The following MED12 variants were observed in gnomAD, a reference collection of about 807,000 sequenced individuals.
MED12 encodes mediator of RNA polymerase II transcription subunit 12.
MED12 carries 10 observed loss-of-function variants against 177.7 expected under a neutral mutation model. The ratio of observed to expected loss-of-function variants is 0.06; its 90% confidence interval spans 0.03 to 0.10. MED12 has a LOEUF of 0.10. Among genes scored for constraint, MED12 ranks in the 10% least tolerant of loss-of-function variants. MED12 has a pLI of 1.00. For synonymous variants in MED12, 641 were observed against 678.4 expected (o/e 0.94, Z 0.86); for missense variants, 867 against 1,780.8 (o/e 0.49, Z 9.23).
At chrX:71,141,856 A>C (rs2092349212) in intron 43 of MED12, 27 bp from the exon 44 acceptor site, 5 of 1,191,380 alleles carry the variant, frequency 4.2e-6, no homozygotes, top group African/African-American at 1.8e-5. Context: ...GTTCGACTTC[A>C]GTCTTCCACT....
rs1602298322 is a variant in MED12, at chrX:71,126,469, C to T, written c.2670C>T (p.Ile890=). 1 of 1,211,937 alleles carries T rather than the reference C, an allele frequency of 8.3e-7. No individual in the cohort carries two copies. The highest frequency in any genetic ancestry group is 1.1e-6 in the Non-Finnish European group (1 of 895,517). ...MEYSLSISGL[I]DFAIQLLNEL... Reference sequence around the variant, plus strand: ...ATTCACTCAGCATCAGTGGCCTCATCGACTTTGCCATTCAGGTGGGGAAGT... The same window carrying T: ...ATTCACTCAGCATCAGTGGCCTCATTGACTTTGCCATTCAGGTGGGGAAGT... Residue 890 remains isoleucine, a synonymous_variant, in exon 19 of 45, where the codon ATC becomes ATT. Coordinates refer to ENST00000374080, the MANE Select transcript of MED12 (RefSeq NM_005120.3).
At chrX:71,128,936 G>GT (rs1191405389) in intron 24 of MED12, 178 bp from the exon 25 acceptor site, 14 of 556,326 alleles carry the variant, frequency 2.5e-5, no homozygotes, top group Middle Eastern at 4.9e-4. Context: ...CTTCAACTGC[G>GT]TAACAGTTCT....
At chrX:71,130,270 A>T in intron 28 of MED12, 56 bp downstream of exon 28, 1 of 1,098,128 alleles carries the variant, frequency 9.1e-7, no homozygotes, top group Admixed American at 2.5e-5. Context: ...CTGGGGAGAA[A>T]CAATAGGAAC....
Position 71,137,919 on chromosome X carries a change from G to A in MED12, c.6020G>A (p.Gly2007Glu), listed in dbSNP as rs2147831227. 1 of 1,209,649 alleles carries A rather than the reference G, an allele frequency of 8.3e-7. No individual in the cohort carries two copies. Among genetic ancestry groups the A allele is most frequent in the Admixed American group, 2.2e-5 (1 of 45,707 alleles). The part of the protein sequence containing the change: ...GYVHQQAPTY[G>E]HGLTSTQRFS... The stretch of plus-strand genomic sequence containing the variant: ...GTGCACCAGCAGGCCCCCACCTATG[G>A]ACATGGACTGACCTCCACTCAAAGG... The change falls in exon 41 of 45, where the codon GGA becomes GAA. Residue 2007 changes from glycine to glutamate, a missense_variant. Gly to Glu is a moderately conservative substitution (Grantham distance 98). Coordinates refer to ENST00000374080, the MANE Select transcript of MED12 (RefSeq NM_005120.3).
At chrX:71,131,321 G>A (rs1293504538) in intron 28 of MED12, among the ~76,000 whole-genome samples, 3 of 110,346 alleles carry the variant, frequency 2.7e-5, no homozygotes, top group Non-Finnish European at 5.7e-5. Flanking sequence ...GTAGAGATGG[G>A]GTTTTGCCAT....
Position 71,129,159 on chromosome X carries a change from G to A in MED12, c.3521G>A (p.Arg1174His), listed in dbSNP as rs1405190651. The change falls in exon 25 of 45, where the codon CGC becomes CAC. Residue 1174 changes from arginine (R) to histidine (H), a missense_variant. Around this residue, in one of 14 missense-constraint regions of MED12, gnomAD observed 21 missense variants for 35.5 expected, o/e 0.59. Transcript: ENST00000374080. Reference protein sequence around the residue: ...DSEPGARLTCRILLHLFKTPQ... With the variant: ...DSEPGARLTCHILLHLFKTPQ... ...GAGCCAGGGGCCCGGCTTACCTGCC[G>A]CATCCTCCTTCACCTTTTCAAGACA... 8.3e-7 allele frequency: 1 copy of A among 1,210,816 alleles called. No individual in the cohort carries two copies. Among genetic ancestry groups the A allele is most frequent in the South Asian group, 1.8e-5 (1 of 56,958 alleles).
At chrX:71,128,497 T>G in intron 23 of MED12, 57 bp downstream of exon 23, 1 of 1,208,660 alleles carries the variant, frequency 8.3e-7, no homozygotes. Context: ...GGGGGCTGGT[T>G]GTGATCCTCT....
chrX:71,127,031 C>A lies in MED12; in HGVS notation c.2748C>A (p.Gly916=), dbSNP rs768686458. Residue 916 remains glycine, a synonymous_variant, in exon 20 of 45, where the codon GGC becomes GGA. Transcript: ENST00000374080. ...TTCTCAAATCCTCGGATCTGGTGGGCAGCTACACTACTAGCCTGTGCCTGT... is the reference window on the plus strand; with the variant it reads ...TTCTCAAATCCTCGGATCTGGTGGGAAGCTACACTACTAGCCTGTGCCTGT... ...ELLLKSSDLV[G]SYTTSLCLCI... 8.5e-5 allele frequency: 103 copies of A among 1,209,624 alleles called. No homozygotes were observed. The highest frequency in any genetic ancestry group is 1.1e-4 in the Non-Finnish European group (101 of 894,285).
Position 71,141,228 on chromosome X carries a change from A to T in MED12, c.6268-2A>T. 8.6e-7 allele frequency: 1 copy of T among 1,165,528 alleles called. No individual in the cohort carries two copies. Among genetic ancestry groups the T allele is most frequent in the Non-Finnish European group, 1.1e-6 (1 of 871,802 alleles). On this transcript the variant is annotated splice_acceptor_variant, in intron 42 of 44. Coordinates refer to ENST00000374080, the MANE Select transcript of MED12 (RefSeq NM_005120.3). LOFTEE classifies it high-confidence loss of function. ...TCTGAAGTATCTTTTGTGTTCTTATAGCAGCAGCAGCAACAGCAACAGCAG... is the reference window on the plus strand; with the variant it reads ...TCTGAAGTATCTTTTGTGTTCTTATTGCAGCAGCAGCAACAGCAACAGCAG...
In MED12 at chrX:71,121,835, C is replaced by T. The variant is rs749399594; in HGVS notation, c.1101+19C>T. Reference sequence around the variant, plus strand: ...CCTACAGGTAGGTACTAGGCGGGCCCAAGGAAGCATTGAGAGATAGCCTGA... The same window carrying T: ...CCTACAGGTAGGTACTAGGCGGGCCTAAGGAAGCATTGAGAGATAGCCTGA... On this transcript the variant is annotated intron_variant, in intron 7 of 44. Coordinates refer to ENST00000374080, the MANE Select transcript of MED12 (RefSeq NM_005120.3). 2 of 1,210,197 alleles carry T rather than the reference C, an allele frequency of 1.7e-6. No individual in the cohort carries two copies. Among genetic ancestry groups the T allele is most frequent in the Non-Finnish European group, 2.2e-6 (2 of 895,215 alleles).
chrX:71,133,366 C>G (rs1224478630), intron 33 of MED12, among the ~76,000 whole-genome samples, 154 bp downstream of exon 33: 3 of 106,221 alleles, frequency 2.8e-5, no homozygotes, highest in African/African-American at 1.0e-4. Context: ...CAGAGTCTCA[C>G]TCTGTCACCC....
rs1200211570 is a variant in MED12, at chrX:71,119,368, C to T, written c.100-5C>T. The T allele has an allele frequency of 8.4e-7, 1 of 1,186,140 alleles. No individual in the cohort carries two copies. The highest frequency in any genetic ancestry group is 2.3e-5 in the Admixed American group (1 of 43,560). ...AAACAACTAAACGCCGCTTTCCTGC[C>T]TCAGGATGAACTGACGGCCTTGAAT... On this transcript the variant is annotated splice_region_variant and splice_polypyrimidine_tract_variant and intron_variant, in intron 1 of 44. Transcript: ENST00000374080.
intron 1 of MED12, 131 bp downstream of exon 1, chrX:71,118,984 G>A: frequency 2.0e-6 from 1 of 506,251 alleles, no homozygotes. Context: ...GAAGAGTAAA[G>A]TGGGCTGGCG....
intron 17 of MED12, 35 bp from the exon 18 acceptor site, chrX:71,126,001 C>T (rs1403750558): frequency 3.7e-6 from 4 of 1,075,292 alleles, no homozygotes; most frequent in Non-Finnish European, 3.9e-6. Context: ...GTTATCTTCC[C>T]TGTCTTGACT....
intron 33 of MED12, among the ~76,000 whole-genome samples, chrX:71,133,958 G>A (rs1041834962): frequency 2.7e-5 from 3 of 110,790 alleles, no homozygotes; most frequent in Non-Finnish European, 3.8e-5. Flanking sequence ...GGCCGGGCGC[G>A]GTGGCTCACG....
chrX:71,137,539 T>C lies in MED12; in HGVS notation c.5749-19T>C, dbSNP rs1332969719. 8.3e-7 allele frequency: 1 copy of C among 1,197,613 alleles called. No individual in the cohort carries two copies. The highest frequency in any genetic ancestry group is 1.1e-6 in the Non-Finnish European group (1 of 885,696). ...GCAAGCATTTCCTGAGTTTGAGTTG[T>C]TCTCTTTTCTCCCTTTAGCAGAGTC... is the stretch of plus-strand genomic sequence containing the variant. On this transcript the variant is annotated intron_variant, in intron 39 of 44. Transcript: ENST00000374080.
rs1248023183 is a variant in MED12, at chrX:71,123,599, T to C, written c.1623T>C (p.Cys541=). 9.1e-6 allele frequency: 11 copies of C among 1,209,462 alleles called. No individual in the cohort carries two copies. The highest frequency in any genetic ancestry group is 1.1e-5 in the Non-Finnish European group (10 of 894,982). The change falls in exon 12 of 45, where the codon TGT becomes TGC. Residue 541 remains cysteine, a synonymous_variant. Transcript: ENST00000374080. ...TTTGTTCTGTCATCTTGCAGCGTTG[T>C]GGAGAATCAGAAGCCGCAGATGAGA... ...KRQAEIEAER[C]GESEAADEKG...
At position 71,130,152 on chromosome X, in the gene MED12, C is replaced by G. The variant is rs766827969; in HGVS notation, c.3985C>G (p.Arg1329Gly). Residue 1329 changes from arginine to glycine, a missense_variant, in exon 28 of 45, where the codon CGA becomes GGA. Arg to Gly is a moderately radical substitution (Grantham distance 125, BLOSUM62 -2). Transcript: ENST00000374080. ...CATGCAGCTCATTTGCTATCCACATCGACTGCTGGACAATGAGGATGGGGA... is the reference window on the plus strand; with the variant it reads ...CATGCAGCTCATTTGCTATCCACATGGACTGCTGGACAATGAGGATGGGGA... ...RLMQLICYPH[R>G]LLDNEDGENP... The G allele has an allele frequency of 1.1e-5, 13 of 1,208,782 alleles. No homozygotes were observed. The highest frequency in any genetic ancestry group is 1.5e-5 in the Non-Finnish European group (13 of 894,141).
intron 41 of MED12, among the ~76,000 whole-genome samples, chrX:71,139,981 T>C (rs2092342516): frequency 9.0e-6 from 1 of 111,324 alleles, no homozygotes; most frequent in African/African-American, 3.3e-5. Context: ...CAACTTGAAA[T>C]GTTATTTGGG....
Sources: allele counts gnomAD v4.1 joint callset (sites outside exome capture counted in the v4.1 genomes callset), GRCh38; gene constraint gnomAD v4.1.1; regional missense constraint gnomAD v4.1.1; transcripts MANE v1.5; gene names NCBI Gene and HGNC (gene_info 2026-07-23, HGNC 2026-07-21).